Variants in NFATC2 observed in about 807,000 individuals in gnomAD.
NFATC2 encodes the protein nuclear factor of activated T-cells, cytoplasmic 2.
A neutral mutation model predicts 87.3 loss-of-function variants in NFATC2; 22 were observed. The ratio of observed to expected loss-of-function variants is 0.25; its 90% confidence interval spans 0.18 to 0.36. NFATC2 has a LOEUF of 0.36. Among genes scored for constraint, NFATC2 ranks in the 10% least tolerant of loss-of-function variants. The pLI is 1.00. For synonymous variants in NFATC2, 565 were observed against 542.2 expected, an observed-to-expected ratio of 1.04 and a Z score of -0.58; for missense variants, 1,149 against 1,259.1, an observed-to-expected ratio of 0.91 and a Z score of 1.32.
At chr20:51,417,876 C>T in intron 9 of NFATC2, among the ~76,000 whole-genome samples, 1 of 152,244 alleles carries the variant, frequency 6.6e-6, no homozygotes, top group East Asian at 1.9e-4. Flanking sequence ...GTTCCCGAGG[C>T]AGCCAGCCTG....
Position 51,389,342 on chromosome 20 carries a change from C to T in NFATC2, c.*2154G>A, listed in dbSNP as rs1395775724. On this transcript the variant is annotated 3_prime_UTR_variant, in exon 11 of 11. Transcript: ENST00000371564. ...AGATAACTGAGGAAAGCCCAAATTC[C>T]CTCATGTACAAAAAACAGCTCCTAG... is the stretch of plus-strand genomic sequence containing the variant. 1 of 152,138 alleles carries T rather than the reference C, an allele frequency of 6.6e-6. No homozygotes were observed. Among genetic ancestry groups the T allele is most frequent in the Non-Finnish European group, 1.5e-5 (1 of 68,014 alleles). 9.4% of individuals were successfully genotyped at this position (152,138 alleles called of 1,614,324 possible). A position where few individuals can be genotyped will look rare whatever the true frequency, so the allele number is the denominator to read the frequency against.
Position 51,413,011 on chromosome 20 carries a change from C to T in NFATC2, c.2723-14281G>A, listed in dbSNP as rs938104767. On this transcript the variant is annotated intron_variant, in intron 9 of 10. Transcript: ENST00000371564. ...CGCTCCCGCCGCCCCCCCCCCTCCC[C>T]GCCAAACACATGGAGCCGAGTACAG... is the stretch of plus-strand genomic sequence containing the variant. Among the ~76,000 whole-genome samples the T allele has an allele frequency of 9.2e-5, 13 of 141,750 alleles. No individual in the cohort carries two copies. The East Asian group carries it at 2.6e-3, about 29-fold the overall frequency. 93.0% of individuals were successfully genotyped at this position (141,750 alleles called of 152,430 possible).
rs193099249 is a variant in NFATC2 at position 51,406,896 on chromosome 20, G to A, written c.2723-8166C>T. ...ATGACCACTTGCTGGCCGCCTCGTC[G>A]GAATTCCATCTTGATTGACTCTCCC... On this transcript the variant is annotated intron_variant, in intron 9 of 10. Transcript: ENST00000371564. Among the ~76,000 whole-genome samples the A allele has an allele frequency of 3.2e-4, 49 of 152,286 alleles. No individual in the cohort carries two copies. The East Asian group carries it at 4.1e-3, about 13-fold the overall frequency.
chr20:51,540,880 A>G (rs1251208015), intron 1 of NFATC2, among the ~76,000 whole-genome samples: 2 of 152,088 alleles, frequency 1.3e-5, no homozygotes, highest in Admixed American at 1.3e-4. Context: ...CGTTCCCTGA[A>G]AAACATGACT....
At chr20:51,493,107 G>T (rs527700429) in intron 3 of NFATC2, among the ~76,000 whole-genome samples, 3 of 152,340 alleles carry the variant, frequency 2.0e-5, no homozygotes, top group Admixed American at 6.5e-5. Context: ...GAGCAGTGGG[G>T]TCCAACAGTT....
At chr20:51,548,527 T>C (rs1179132709) in intron 1 of NFATC2, among the ~76,000 whole-genome samples, 1 of 152,246 alleles carries the variant, frequency 6.6e-6, no homozygotes. Context: ...CCCAGTTAAA[T>C]TTGAATTTTA....
At chr20:51,435,814 T>C in intron 6 of NFATC2, 53 bp from the exon 7 acceptor site, 1 of 1,495,080 alleles carries the variant, frequency 6.7e-7, no homozygotes, top group Admixed American at 1.9e-5. Flanking sequence ...AAACCAAAGA[T>C]TTAAGACAAA....
At chr20:51,535,207 A>T (rs1214211606) in intron 1 of NFATC2, among the ~76,000 whole-genome samples, 2 of 152,182 alleles carry the variant, frequency 1.3e-5, no homozygotes, top group African/African-American at 4.8e-5. Flanking sequence ...CCAGGGCTAA[A>T]CCCACCCACT....
chr20:51,446,085 T>C (rs946797534), intron 6 of NFATC2, among the ~76,000 whole-genome samples: 5 of 152,164 alleles, frequency 3.3e-5, no homozygotes, highest in African/African-American at 1.2e-4. Flanking sequence ...GTGACCACAC[T>C]GTGTGACTCG....
chr20:51,450,649 T>C (rs1985650561), intron 6 of NFATC2, among the ~76,000 whole-genome samples: 1 of 152,228 alleles, frequency 6.6e-6, no homozygotes, highest in South Asian at 2.1e-4. Flanking sequence ...GACAGGTCAA[T>C]GCTGAATATC....
In NFATC2 at chr20:51,542,653, G is replaced by T; in HGVS notation, c.-154C>A. The T allele has an allele frequency of 1.3e-5, 15 of 1,180,994 alleles. No homozygotes were observed. Among genetic ancestry groups the T allele is most frequent in the Non-Finnish European group, 1.6e-5 (15 of 954,982 alleles). The allele number at this position is 1,180,994 out of a possible 1,614,324, so 73.2% of individuals were successfully genotyped here. A position where few individuals can be genotyped will look rare whatever the true frequency, so the allele number is the denominator to read the frequency against. On this transcript the variant is annotated 5_prime_UTR_variant, in exon 1 of 11. Coordinates refer to ENST00000371564, the MANE Select transcript of NFATC2 (RefSeq NM_012340.5). ...CGGGTCCGGGGACGGCGCGCCTGGC[G>T]CAGCGGGTCCTGGACGCGCCCGGGG...
At chr20:51,397,357 C>T (rs180971022) in intron 10 of NFATC2, among the ~76,000 whole-genome samples, 1 of 151,540 alleles carries the variant, frequency 6.6e-6, no homozygotes, top group East Asian at 1.9e-4. Context: ...CAATAGGACC[C>T]TCAATAGGAC....
At chr20:51,439,566 C>T (rs1163509512) in intron 6 of NFATC2, among the ~76,000 whole-genome samples, 2 of 152,254 alleles carry the variant, frequency 1.3e-5, no homozygotes, top group Non-Finnish European at 2.9e-5. Context: ...ACAGCCTCCC[C>T]AGAGCCTGGT....
At chr20:51,487,901 G>A (rs1002851659) in intron 3 of NFATC2, among the ~76,000 whole-genome samples, 1 of 152,158 alleles carries the variant, frequency 6.6e-6, no homozygotes, top group African/African-American at 2.4e-5. Flanking sequence ...TTCAAAGGGT[G>A]GGTTTTTGGA....
intron 3 of NFATC2, among the ~76,000 whole-genome samples, chr20:51,513,344 G>A (rs181537069): frequency 5.9e-5 from 9 of 152,236 alleles, no homozygotes; most frequent in African/African-American, 2.2e-4. Flanking sequence ...TGGGCATGGT[G>A]GTAACACGCC....
chr20:51,549,443 G>A (rs1446645042), intron 1 of NFATC2, among the ~76,000 whole-genome samples: 1 of 152,154 alleles, frequency 6.6e-6, no homozygotes, highest in Non-Finnish European at 1.5e-5. Flanking sequence ...CAGCTAATTT[G>A]AGTTCTTTAC....
At chr20:51,486,187 G>A (rs992508584) in intron 3 of NFATC2, among the ~76,000 whole-genome samples, 1 of 151,976 alleles carries the variant, frequency 6.6e-6, no homozygotes, top group African/African-American at 2.4e-5. Context: ...CTCCAGCCTG[G>A]GTGACAGAGC....
chr20:51,430,373 C>T (rs1982520939), intron 9 of NFATC2, among the ~76,000 whole-genome samples: 1 of 152,216 alleles, frequency 6.6e-6, no homozygotes, highest in African/African-American at 2.4e-5. Flanking sequence ...ACGATTGCCC[C>T]CTTGAAAATA....
intron 1 of NFATC2, among the ~76,000 whole-genome samples, chr20:51,552,572 C>T (rs544219296): frequency 6.6e-6 from 1 of 152,158 alleles, no homozygotes; most frequent in African/African-American, 2.4e-5. Flanking sequence ...AGCAAAAGGC[C>T]GTTAGTTGAA....
Sources: gnomAD v4.1 joint callset for allele counts (sites outside exome capture counted in the v4.1 genomes callset) on GRCh38, gnomAD v4.1.1 for gene constraint, MANE v1.5 for transcripts, NCBI Gene and HGNC (gene_info 2026-07-23, HGNC 2026-07-21) for gene names.